Variants in MLIP observed in about 807,000 individuals in gnomAD.
MLIP encodes muscular LMNA-interacting protein.
MLIP carries 79 observed loss-of-function variants against 84.8 expected under a neutral mutation model. That is an observed-to-expected ratio of 0.93 (90% CI 0.78 to 1.12). The LOEUF is 1.12. MLIP is among the 50% of genes most tolerant of loss of function. The probability of loss-of-function intolerance (pLI) is 0.00; values close to 1 mark genes in which losing one functional copy is unlikely to be tolerated. For missense variants in MLIP, 1,257 were observed against 1,160.6 expected (o/e 1.08, Z -1.21); for synonymous variants, 504 against 463.0 (o/e 1.09, Z -1.14).
chr6:54,149,862 A>G (rs950246937), intron 5 of MLIP, among the ~76,000 whole-genome samples: 1 of 152,200 alleles, frequency 6.6e-6, no homozygotes, highest in Non-Finnish European at 1.5e-5. Context: ...GCATGTTTAA[A>G]TGAAAGCCAA....
intron 1 of MLIP, among the ~76,000 whole-genome samples, chr6:54,078,625 T>C (rs1293374360): frequency 6.6e-6 from 1 of 151,896 alleles, no homozygotes; most frequent in Non-Finnish European, 1.5e-5. Flanking sequence ...AATAAAAATA[T>C]AGGAGGCACA....
chr6:54,209,210 A>G (rs953527352), intron 11 of MLIP, among the ~76,000 whole-genome samples: 3 of 152,222 alleles, frequency 2.0e-5, no homozygotes, highest in Non-Finnish European at 4.4e-5. Context: ...GATGAGTTAC[A>G]TGAAGATAAT....
At chr6:54,113,905 C>T (rs1582173620) in intron 1 of MLIP, among the ~76,000 whole-genome samples, 1 of 152,220 alleles carries the variant, frequency 6.6e-6, no homozygotes, top group East Asian at 1.9e-4. Context: ...TCACCAGTAC[C>T]CTTAATTTCC....
At chr6:54,160,290 G>A in intron 5 of MLIP, 77 bp from the exon 6 acceptor site, 1 of 1,137,720 alleles carries the variant, frequency 8.8e-7, no homozygotes, top group Non-Finnish European at 1.3e-6. Flanking sequence ...TACATACAAG[G>A]CTTTCTTTGA....
At chr6:54,165,960 T>C (rs2150578470) in intron 8 of MLIP, among the ~76,000 whole-genome samples, 1 of 152,024 alleles carries the variant, frequency 6.6e-6, no homozygotes, top group East Asian at 1.9e-4. Context: ...TGGCACCATC[T>C]ATGAACCAGA....
intron 5 of MLIP, among the ~76,000 whole-genome samples, chr6:54,152,384 C>T (rs116314675): frequency 0.012 from 1,894 of 152,048 alleles, 20 homozygotes; most frequent in Admixed American, 0.023. Context: ...TAACTGAGAC[C>T]GGAAGAAAAA....
intron 11 of MLIP, among the ~76,000 whole-genome samples, chr6:54,219,117 A>G (rs961633283): frequency 6.6e-6 from 1 of 151,862 alleles, no homozygotes; most frequent in Non-Finnish European, 1.5e-5. Flanking sequence ...GAGGCAGGAG[A>G]ATGGTGTGAA....
chr6:54,215,089 T>C, intron 11 of MLIP: 1 of 1,383,772 alleles, frequency 7.2e-7, no homozygotes, highest in Non-Finnish European at 9.9e-7. Flanking sequence ...TTTGTAACCT[T>C]TTCTACACGC....
chr6:54,165,619 A>G (rs1775098550), intron 8 of MLIP, among the ~76,000 whole-genome samples: 1 of 151,970 alleles, frequency 6.6e-6, no homozygotes, highest in Admixed American at 6.6e-5. Flanking sequence ...TTAAAAGGAA[A>G]AGGAAATTAG....
intron 1 of MLIP, among the ~76,000 whole-genome samples, chr6:54,061,662 G>A (rs1316633867): frequency 6.6e-6 from 1 of 152,178 alleles, no homozygotes; most frequent in East Asian, 1.9e-4. Context: ...TAAACACTGC[G>A]CTAGTGTTGG....
chr6:54,257,385 A>G, intron 13 of MLIP, 24 bp downstream of exon 13: 2 of 1,520,918 alleles, frequency 1.3e-6, no homozygotes, highest in Non-Finnish European at 1.8e-6. Flanking sequence ...AGGACTGGAT[A>G]TCTAATTATC....
rs57668007 is a variant in MLIP, at chr6:54,260,278, C to CA, written c.2976+2928dup. Among the ~76,000 whole-genome samples the CA allele has an allele frequency of 1.1e-3, 163 of 148,312 alleles. 1 individual carries two copies. The highest frequency in any genetic ancestry group is 2.9e-3 in the African/African-American group (118 of 41,082). On this transcript the variant is annotated intron_variant, in intron 13 of 13. Transcript: ENST00000502396. The stretch of plus-strand genomic sequence containing the variant: ...AAAGTTCATTTAAAAGGAACTAACT[C>CA]AAAAAAAAAAATTCCACTTAACATC...
intron 3 of MLIP, among the ~76,000 whole-genome samples, chr6:54,128,733 T>TG (rs1212582889): frequency 2.0e-5 from 3 of 152,304 alleles, no homozygotes; most frequent in African/African-American, 7.2e-5. Flanking sequence ...TGACTGGCTA[T>TG]GTTCCTCTGG....
rs112277192 is a variant in MLIP at position 54,207,929 on chromosome 6, T to C, written c.2718+5696T>C. 2.8e-3 allele frequency among the ~76,000 whole-genome samples: 422 copies of C among 152,044 alleles called. 6 individuals are homozygous for C. Among genetic ancestry groups the C allele is most frequent in the African/African-American group, 9.8e-3 (407 of 41,486 alleles). On this transcript the variant is annotated intron_variant, in intron 11 of 13. Coordinates refer to ENST00000502396, the MANE Select transcript of MLIP (RefSeq NM_001281747.2). ...TCACGAGGTCAGGAGATGAAGACCA[T>C]CCTGGCTAACACGGTGAAACCCCGT...
chr6:54,031,122 C>A (rs1188359232), intron 1 of MLIP, among the ~76,000 whole-genome samples: 13 of 152,078 alleles, frequency 8.5e-5, no homozygotes, highest in Admixed American at 7.2e-4. Flanking sequence ...ATTAGCCAAA[C>A]CCTAGAATCT....
At chr6:54,265,062 C>T (rs1435395026) in intron 13 of MLIP, among the ~76,000 whole-genome samples, 6 of 152,066 alleles carry the variant, frequency 3.9e-5, no homozygotes, top group Admixed American at 3.3e-4. Flanking sequence ...AGACAGTTGC[C>T]TACAGAAAGG....
chr6:54,252,770 A>G (rs577406051), intron 12 of MLIP, among the ~76,000 whole-genome samples: 4 of 151,922 alleles, frequency 2.6e-5, no homozygotes, highest in African/African-American at 7.2e-5. Flanking sequence ...AACCAGAAAA[A>G]CAAACCGGCA....
intron 1 of MLIP, among the ~76,000 whole-genome samples, chr6:54,054,932 G>T (rs1359335805): frequency 6.6e-5 from 10 of 151,248 alleles, no homozygotes; most frequent in South Asian, 2.1e-4. Flanking sequence ...CTGTCGCCCA[G>T]GCTGGAGTGC....
At chr6:54,220,291 G>T (rs931088290) in intron 11 of MLIP, among the ~76,000 whole-genome samples, 2 of 151,898 alleles carry the variant, frequency 1.3e-5, no homozygotes, top group African/African-American at 4.8e-5. Context: ...AACAAAACCG[G>T]CATCCAAGGT....
Sources: gnomAD v4.1 joint callset for allele counts (sites outside exome capture counted in the v4.1 genomes callset) on GRCh38, gnomAD v4.1.1 for gene constraint, MANE v1.5 for transcripts, NCBI Gene and HGNC (gene_info 2026-07-23, HGNC 2026-07-21) for gene names.